The following PTOV1 variants were observed in gnomAD, a reference collection of about 807,000 sequenced individuals.
PTOV1 encodes PTOV1 extended AT-hook containing adaptor protein, also known as prostate tumor-overexpressed gene 1 protein.
In PTOV1, 20 loss-of-function variants were observed where a neutral mutation model predicts 58.0. The ratio of observed to expected loss-of-function variants is 0.34; its 90% CI spans 0.24 to 0.50. PTOV1 has a LOEUF of 0.50. Ranked by LOEUF, PTOV1 falls within the 20% of genes least tolerant of loss-of-function variation. The pLI is 0.98. For synonymous variants in PTOV1, 335 were observed against 234.2 expected (o/e 1.43, Z -3.93); for missense variants, 593 against 565.4 (o/e 1.05, Z -0.50).
At position 49,854,893 on chromosome 19, in the gene PTOV1, G is replaced by GGGGCCCCC; in HGVS notation, c.450+5_450+6insGGGCCCCC. 1.9e-6 allele frequency: 3 copies of GGGGCCCCC among 1,603,532 alleles called. No homozygotes were observed. The highest frequency in any genetic ancestry group is 1.7e-6 in the Non-Finnish European group (2 of 1,173,318). ...CTGATCCCTCAGCAGCTGCTGGTGAGACCCGCCCCTCCCACCCCATCCACT... is the reference window on the plus strand; with the variant it reads ...CTGATCCCTCAGCAGCTGCTGGTGAGGGGCCCCCACCCGCCCCTCCCACCCCATCCACT... On this transcript the variant is annotated splice_donor_region_variant and intron_variant, in intron 4 of 11. Coordinates refer to ENST00000391842, the Ensembl canonical transcript of PTOV1.
intron 10 of PTOV1, chr19:49,859,069 C>T (rs1292497196): frequency 4.3e-5 from 7 of 161,014 alleles, no homozygotes; most frequent in Non-Finnish European, 6.8e-5. Flanking sequence ...GCTGACTCCT[C>T]TTCTCTCTCT....
intron 9 of PTOV1, 24 bp from the exon 10 acceptor site, chr19:49,858,524 TG>T (rs1048162062): frequency 1.3e-6 from 2 of 1,557,878 alleles, no homozygotes; most frequent in Non-Finnish European, 1.7e-6. Context: ...AAGCCAGAGC[TG>T]GGGGTCCCCT....
chr19:49,858,953 G>A (rs1013926688), intron 10 of PTOV1: 13 of 283,280 alleles, frequency 4.6e-5, no homozygotes, highest in East Asian at 1.8e-4. Flanking sequence ...CTGGTTTCCC[G>A]GGAGCTTGTG....
intron 6 of PTOV1, 41 bp downstream of exon 6, chr19:49,857,171 AT>A: frequency 6.2e-7 from 1 of 1,609,208 alleles, no homozygotes. Context: ...ACAGAGGGGG[AT>A]TAGACCCCAC....
chr19:49,857,868 A>T (rs755927050), intron 7 of PTOV1, 36 bp from the exon 8 acceptor site: 1 of 1,612,438 alleles, frequency 6.2e-7, no homozygotes, highest in Non-Finnish European at 8.5e-7. Flanking sequence ...GGGGGTCTCC[A>T]GCCCTGAGGG....
At chr19:49,854,119 G>A (rs1162307239) in intron 1 of PTOV1, among the ~76,000 whole-genome samples, 5 of 152,252 alleles carry the variant, frequency 3.3e-5, no homozygotes, top group Non-Finnish European at 5.9e-5. Context: ...CTGGGGCAAA[G>A]GCTGGAGGTG....
At chr19:49,860,313 C>T (rs776934469) in exon 12 of PTOV1, 5 of 1,609,510 alleles carry the variant, frequency 3.1e-6, no homozygotes, top group East Asian at 2.2e-5. Flanking sequence ...CCAGGAGTCA[C>T]AGATGAGGCC....
At chr19:49,850,930 C>T, upstream of PTOV1, 1 of 1,535,900 alleles carries the variant, frequency 6.5e-7, no homozygotes, top group Middle Eastern at 1.7e-4. Flanking sequence ...CTTGGTGTCG[C>T]CTTCGTTCTT....
intron 1 of PTOV1, among the ~76,000 whole-genome samples, chr19:49,853,888 G>A (rs1201110689): frequency 1.3e-5 from 2 of 152,218 alleles, no homozygotes; most frequent in Non-Finnish European, 2.9e-5. Flanking sequence ...GTGGGCACTG[G>A]CCTGAGCCAG....
chr19:49,860,074 G>A, exon 11 of PTOV1: 1 of 1,614,222 alleles, frequency 6.2e-7, no homozygotes, highest in African/African-American at 1.3e-5. Flanking sequence ...ATCTTCATTG[G>A]CCTCATCCCC....
At chr19:49,856,574 C>T (rs974270766) in intron 5 of PTOV1, 2 of 217,160 alleles carry the variant, frequency 9.2e-6, no homozygotes, top group Non-Finnish European at 1.9e-5. Context: ...GATGGAGGCC[C>T]AGAAGCAGGA....
At chr19:49,852,461 C>T (rs1261159627) in intron 1 of PTOV1, 1 of 152,228 alleles carries the variant, frequency 6.6e-6, no homozygotes. Context: ...TTTTAAACCT[C>T]AGTGCAAGTA....
exon 11 of PTOV1, chr19:49,860,057 G>T (rs2074682385): frequency 6.2e-7 from 1 of 1,614,224 alleles, no homozygotes; most frequent in Non-Finnish European, 8.5e-7. Context: ...ACTCTTCAGA[G>T]AAGAAAATCT....
chr19:49,857,303 G>A (rs1291988011), intron 6 of PTOV1, 173 bp downstream of exon 6: 37 of 914,246 alleles, frequency 4.0e-5, no homozygotes, highest in Admixed American at 5.2e-5. Flanking sequence ...ATGGAAAAGC[G>A]GCCACTGGGC....
chr19:49,853,662 G>A (rs2074347357), intron 1 of PTOV1, among the ~76,000 whole-genome samples: 1 of 152,136 alleles, frequency 6.6e-6, no homozygotes, highest in South Asian at 2.1e-4. Context: ...CCTGTGAGTA[G>A]CATTTGTGGC....
At position 49,860,138 on chromosome 19, in the gene PTOV1, G is replaced by A. The variant is rs369544515; in HGVS notation, c.1194G>A (p.Gln398=). ...TCCGGCGTGTCATTGCCAACCAGCA[G>A]CAGGTCCTGCAGCGGAACCTGGAGC... The change falls in exon 11 of 12, where the codon CAG becomes CAA. Residue 398 remains glutamine (Q), a synonymous_variant. Coordinates refer to ENST00000391842, the Ensembl canonical transcript of PTOV1. 6.2e-6 allele frequency: 10 copies of A among 1,614,236 alleles called. No individual in the cohort carries two copies. In the South Asian group the frequency reaches 8.8e-5, roughly 14 times the overall value.
chr19:49,856,630 G>T, intron 5 of PTOV1: 1 of 301,316 alleles, frequency 3.3e-6, no homozygotes, highest in Admixed American at 4.5e-5. Flanking sequence ...CAGAACGGTG[G>T]GGCGCTGCCT....
Position 49,858,052 on chromosome 19 carries a change from C to A in PTOV1, c.879-5C>A, listed in dbSNP as rs750293477. 1.2e-6 allele frequency: 2 copies of A among 1,613,948 alleles called. No homozygotes were observed. Among genetic ancestry groups the A allele is most frequent in the Non-Finnish European group, 1.7e-6 (2 of 1,179,984 alleles). On this transcript the variant is annotated splice_region_variant and splice_polypyrimidine_tract_variant and intron_variant, in intron 8 of 11. Transcript: ENST00000391842. ...TCCTGACCCTCGTCCCTTTGTGCCC[C>A]ACAGGAGGACCGAGCAGTGGCCAAG...
At chr19:49,851,036 C>A (rs1446406683), upstream of PTOV1, 2 of 1,523,346 alleles carry the variant, frequency 1.3e-6, no homozygotes, top group Non-Finnish European at 1.8e-6. Flanking sequence ...CGGAGAGGCC[C>A]GCAGGACCGC....
Sources: allele counts gnomAD v4.1 joint callset (sites outside exome capture counted in the v4.1 genomes callset), GRCh38; gene constraint gnomAD v4.1.1; transcripts MANE v1.5; gene names NCBI Gene and HGNC (gene_info 2026-07-23, HGNC 2026-07-21).